RTTN: variants seen among roughly 807,000 people sequenced by gnomAD.
RTTN encodes the protein rotatin.
RTTN carries 182 observed loss-of-function variants against 269.2 expected under a neutral mutation model. The ratio of observed to expected loss-of-function variants is 0.68; its 90% CI spans 0.60 to 0.76. The LOEUF is 0.76. Among genes scored for constraint, RTTN ranks in the 30% least tolerant of loss-of-function variants. RTTN has a pLI of 0.00. For missense variants in RTTN, 2,545 were observed against 2,608.6 expected (o/e 0.98, Z 0.53); for synonymous variants, 1,006 against 963.5 (o/e 1.04, Z -0.82).
chr18:70,150,748 TA>T lies in RTTN; in HGVS notation c.1930-16del. ...CCTAAACATTCCTGTAAAATAATATTAAAAAGTATTTTTAAATTAGCAACAC... is the reference window on the plus strand; with the variant it reads ...CCTAAACATTCCTGTAAAATAATATTAAAAGTATTTTTAAATTAGCAACAC... On this transcript the variant is annotated splice_polypyrimidine_tract_variant and intron_variant, in intron 14 of 48. Transcript: ENST00000640769. 1.9e-6 allele frequency: 3 copies of T among 1,543,168 alleles called. No homozygotes were observed. Among genetic ancestry groups the T allele is most frequent in the Middle Eastern group, 1.9e-4 (1 of 5,358 alleles).
intron 17 of RTTN, 144 bp downstream of exon 17, chr18:70,148,757 G>T: frequency 1.1e-6 from 1 of 911,478 alleles, no homozygotes. Context: ...TATCTGCTTA[G>T]TTTCACGCAT....
At chr18:70,174,234 AAACT>A (rs1438618341) in intron 11 of RTTN, among the ~76,000 whole-genome samples, 1 of 152,210 alleles carries the variant, frequency 6.6e-6, no homozygotes, top group East Asian at 1.9e-4. Context: ...TGTTCTAGTT[AAACT>A]AACAGTGCAC....
In RTTN at chr18:70,166,997, G is replaced by C. The variant is rs1268789230; in HGVS notation, c.1724C>G (p.Ala575Gly). The part of the protein sequence containing the change: ...EKNLLELVEL[A>G]DQALRSFSYH... The stretch of plus-strand genomic sequence containing the variant: ...GGAAAAGCTACGCAAGGCTTGGTCT[G>C]CCAGCTCCACTAATTCTAAGAGATT... The change falls in exon 13 of 49, where the codon GCA becomes GGA. Residue 575 changes from alanine to glycine, a missense_variant. Transcript: ENST00000640769. The C allele has an allele frequency of 8.1e-6, 13 of 1,612,992 alleles. No individual in the cohort carries two copies. Among genetic ancestry groups the C allele is most frequent in the Non-Finnish European group, 1.1e-5 (13 of 1,179,334 alleles).
At chr18:70,064,645 A>G (rs2144950500) in intron 35 of RTTN, among the ~76,000 whole-genome samples, 1 of 152,314 alleles carries the variant, frequency 6.6e-6, no homozygotes, top group East Asian at 1.9e-4. Context: ...ATCTATAAAG[A>G]AGGAAAGTAG....
At chr18:70,040,957 G>A (rs985561748) in intron 40 of RTTN, among the ~76,000 whole-genome samples, 6 of 152,162 alleles carry the variant, frequency 3.9e-5, no homozygotes, top group Non-Finnish European at 5.9e-5. Flanking sequence ...GGTGGCTCAC[G>A]CCTTGTAATC....
At chr18:70,033,176 T>C (rs187889241) in intron 40 of RTTN, among the ~76,000 whole-genome samples, 84 of 152,308 alleles carry the variant, frequency 5.5e-4, no homozygotes, top group African/African-American at 1.9e-3. Flanking sequence ...GCTCCCACCA[T>C]GTGAGATGCC....
chr18:70,119,333 T>A (rs556462333), intron 26 of RTTN, among the ~76,000 whole-genome samples: 147 of 137,140 alleles, frequency 1.1e-3, no homozygotes, highest in East Asian at 7.1e-3. Context: ...CCAAAAAAAA[T>A]TAAGATATTT....
At chr18:70,149,644 G>C (rs1425262176) in intron 16 of RTTN, among the ~76,000 whole-genome samples, 1 of 151,634 alleles carries the variant, frequency 6.6e-6, no homozygotes, top group Non-Finnish European at 1.5e-5. Context: ...AGTTATGTAA[G>C]GTCTCCTTAA....
At chr18:70,146,630 C>A (rs1362851568) in intron 17 of RTTN, among the ~76,000 whole-genome samples, 1 of 152,164 alleles carries the variant, frequency 6.6e-6, no homozygotes, top group Non-Finnish European at 1.5e-5. Context: ...GCAGGCCTGC[C>A]ACCTTGAGCC....
chr18:70,087,414 A>C (rs1160770069), intron 31 of RTTN, among the ~76,000 whole-genome samples: 1 of 152,172 alleles, frequency 6.6e-6, no homozygotes, highest in Admixed American at 6.5e-5. Flanking sequence ...CAGCAACAAA[A>C]CTAGCCTTTT....
In RTTN at chr18:70,197,716, T is replaced by G; in HGVS notation, c.601A>C (p.Thr201Pro). Reference sequence around the variant, plus strand: ...AGTTCACAGGTGTTCCAGATTAAAGTGTGGTTACTACTTCTTAAAGAGCTA... The same window carrying G: ...AGTTCACAGGTGTTCCAGATTAAAGGGTGGTTACTACTTCTTAAAGAGCTA... ...NESSLRSSNH[T>P]LIWNTCELLK... The change falls in exon 6 of 49, where the codon ACT becomes CCT. Residue 201 changes from threonine (T) to proline (P), a missense_variant. Coordinates refer to ENST00000640769, the MANE Select transcript of RTTN (RefSeq NM_173630.4). 6.2e-7 allele frequency: 1 copy of G among 1,606,952 alleles called. No individual in the cohort carries two copies. Among genetic ancestry groups the G allele is most frequent in the Non-Finnish European group, 8.5e-7 (1 of 1,173,526 alleles).
At chr18:70,070,567 A>G (rs1283167697) in intron 34 of RTTN, among the ~76,000 whole-genome samples, 1 of 152,192 alleles carries the variant, frequency 6.6e-6, no homozygotes, top group African/African-American at 2.4e-5. Flanking sequence ...TATTTCTCTC[A>G]TATCAGTTGT....
In RTTN at chr18:70,112,483, C is replaced by CAAAAAAAAAAA. The variant is rs36147576; in HGVS notation, c.3683+1951_3683+1961dup. Reference sequence around the variant, plus strand: ...GATGATTTATCAAGCAAATGGAAAGCAAAAAAAAAAAAAAAAAAGCAAGAG... The same window carrying CAAAAAAAAAAA: ...GATGATTTATCAAGCAAATGGAAAGCAAAAAAAAAAAAAAAAAAAAAAAAAAAAAGCAAGAG... On this transcript the variant is annotated intron_variant, in intron 27 of 48. Coordinates refer to ENST00000640769, the MANE Select transcript of RTTN (RefSeq NM_173630.4). 2.1e-4 allele frequency among the ~76,000 whole-genome samples: 14 copies of CAAAAAAAAAAA among 68,038 alleles called. 1 individual carries two copies. Among genetic ancestry groups the CAAAAAAAAAAA allele is most frequent in the Non-Finnish European group, 2.8e-4 (11 of 38,648 alleles). The allele number at this position is 68,038 out of a possible 152,430, so 44.6% of individuals were successfully genotyped here.
intron 39 of RTTN, among the ~76,000 whole-genome samples, 174 bp downstream of exon 39, chr18:70,051,237 A>T (rs571964792): frequency 6.6e-6 from 1 of 152,298 alleles, no homozygotes; most frequent in South Asian, 2.1e-4. Flanking sequence ...TCAAAAATGC[A>T]TTTTTGGGGG....
In RTTN at chr18:70,193,304, C is replaced by T; in HGVS notation, c.991G>A (p.Asp331Asn). 6.2e-7 allele frequency: 1 copy of T among 1,611,082 alleles called. No individual in the cohort carries two copies. The highest frequency in any genetic ancestry group is 8.5e-7 in the Non-Finnish European group (1 of 1,178,494). The change falls in exon 8 of 49, where the codon GAT (aspartate) becomes AAT (asparagine). Residue 331 changes from aspartate to asparagine, a missense_variant. Physicochemically the swap from Asp to Asn is conservative, Grantham distance 23. Transcript: ENST00000640769. ...QRPRGDGQDW[D>N]AASSSGSSSH... ...AGCAGTCACCTAGAGGACGCTGCAT[C>T]CCAGTCCTGGCCATCTCCTCTGGGT... is the stretch of plus-strand genomic sequence containing the variant.
intron 14 of RTTN, among the ~76,000 whole-genome samples, chr18:70,164,420 C>T (rs1379325691): frequency 6.6e-6 from 1 of 151,564 alleles, no homozygotes; most frequent in Non-Finnish European, 1.5e-5. Flanking sequence ...CCCTATGTTG[C>T]CCAGGCTGGT....
intron 11 of RTTN, among the ~76,000 whole-genome samples, chr18:70,170,145 G>A (rs1226272588): frequency 6.6e-6 from 1 of 151,836 alleles, no homozygotes; most frequent in East Asian, 1.9e-4. Context: ...TGTGGGCGGG[G>A]GAGGAAAAAG....
chr18:70,092,687 C>T lies in RTTN; in HGVS notation c.4021G>A (p.Ala1341Thr), dbSNP rs1422866329. The change falls in exon 29 of 49, where the codon GCT becomes ACT. Residue 1341 changes from alanine to threonine, a missense_variant. Transcript: ENST00000640769. ...LHLSHEMMAQAGSLEWMSLWF... is the reference protein window; with the variant it reads ...LHLSHEMMAQTGSLEWMSLWF... ...TTTAACGCGCTCACCAAGCTCCCAG[C>T]CTGGGCCATCATCTCATGGGATAAG... The T allele has an allele frequency of 1.2e-6, 2 of 1,612,528 alleles. No individual in the cohort carries two copies. Among genetic ancestry groups the T allele is most frequent in the Non-Finnish European group, 8.5e-7 (1 of 1,178,926 alleles).
chr18:70,030,279 C>A (rs1026033062), intron 41 of RTTN, among the ~76,000 whole-genome samples, 170 bp from the exon 42 acceptor site: 1 of 152,322 alleles, frequency 6.6e-6, no homozygotes, highest in East Asian at 1.9e-4. Flanking sequence ...AGTAAGAGAA[C>A]TAAAATGCTG....
Sources: gnomAD v4.1 joint callset for allele counts (sites outside exome capture counted in the v4.1 genomes callset) on GRCh38, gnomAD v4.1.1 for gene constraint, MANE v1.5 for transcripts, NCBI Gene and HGNC (gene_info 2026-07-23, HGNC 2026-07-21) for gene names.